Variants in RECQL5 observed in about 807,000 individuals in gnomAD.
RECQL5 encodes RecQ like helicase 5.
Under a neutral mutation model 103.4 loss-of-function variants are expected in RECQL5, and 88 were observed. The observed-to-expected ratio is 0.85, with a 90% CI of 0.72 to 1.02. RECQL5 has a LOEUF of 1.02. Ranked by LOEUF, RECQL5 falls within the 50% of genes least tolerant of loss-of-function variation. The pLI, the probability that RECQL5 is intolerant of heterozygous loss-of-function variation, is 0.00. For missense variants in RECQL5, 1,232 were observed against 1,284.3 expected (o/e 0.96, Z 0.62); for synonymous variants, 552 against 507.9 (o/e 1.09, Z -1.17).
intron 8 of RECQL5, chr17:75,649,287 C>T (rs1010417306): frequency 2.0e-5 from 3 of 152,256 alleles, no homozygotes; most frequent in African/African-American, 7.2e-5. Context: ...CTAAAAGACA[C>T]TCATTGTTAT....
At chr17:75,641,897 G>A (rs543858588) in intron 8 of RECQL5, among the ~76,000 whole-genome samples, 62 of 152,170 alleles carry the variant, frequency 4.1e-4, no homozygotes, top group Middle Eastern at 3.4e-3. Flanking sequence ...TCCCTAAGCC[G>A]AACTCCCCCT....
intron 7 of RECQL5, 144 bp from the exon 8 acceptor site, chr17:75,651,409 G>T: frequency 1.1e-6 from 1 of 918,870 alleles, no homozygotes; most frequent in African/African-American, 1.6e-5. Context: ...ATCATTTGAG[G>T]TCAGGAGTTC....
At chr17:75,637,503 G>C (rs2059347596) in intron 8 of RECQL5, 1 of 152,286 alleles carries the variant, frequency 6.6e-6, no homozygotes, top group Non-Finnish European at 1.5e-5. Flanking sequence ...GGAACCAAGA[G>C]GGGACCACTG....
Position 75,630,846 on chromosome 17 carries a change from G to GGT in RECQL5, c.1586-10_1586-9insAC. 2 of 1,453,534 alleles carry GGT rather than the reference G, an allele frequency of 1.4e-6. No homozygotes were observed. The highest frequency in any genetic ancestry group is 2.6e-5 in the South Asian group (2 of 75,588). The allele number at this position is 1,453,534 out of a possible 1,614,324, so 90.0% of individuals were successfully genotyped here. A position where few individuals can be genotyped will look rare whatever the true frequency, so the allele number is the denominator to read the frequency against. ...CAGGGGACAGTTCTCATCTGTGGGG[G>GGT]GGGGGGGTGGTCCTTGGTCCTTTCG... is the stretch of plus-strand genomic sequence containing the variant. On this transcript the variant is annotated splice_polypyrimidine_tract_variant and intron_variant, in intron 11 of 19. Coordinates refer to ENST00000317905, the MANE Select transcript of RECQL5 (RefSeq NM_004259.7).
At chr17:75,662,360 G>C in intron 4 of RECQL5, 119 bp downstream of exon 4, 1 of 1,127,420 alleles carries the variant, frequency 8.9e-7, no homozygotes, top group Middle Eastern at 3.1e-4. Context: ...TTGTGCACAA[G>C]TTTTAGGAAG....
Position 75,640,057 on chromosome 17 carries a change from T to A in RECQL5, c.1230-8389A>T. The A allele has an allele frequency of 1.6e-6, 2 of 1,224,754 alleles. No homozygotes were observed. The highest frequency in any genetic ancestry group is 3.2e-5 in the South Asian group (2 of 62,464). 75.9% of individuals were successfully genotyped at this position (1,224,754 alleles called of 1,614,324 possible). A position where few individuals can be genotyped will look rare whatever the true frequency, so the allele number is the denominator to read the frequency against. On this transcript the variant is annotated intron_variant, in intron 8 of 19. Coordinates refer to ENST00000317905, the MANE Select transcript of RECQL5 (RefSeq NM_004259.7). The surrounding 1 kb of genome is among the most constrained non-coding windows in gnomAD (Gnocchi z 4.6). The stretch of plus-strand genomic sequence containing the variant: ...CACCAGGGGTGCAATGTGTGAGACC[T>A]GACAAACTTGTTCTGCGGGCTGCGG...
intron 8 of RECQL5, chr17:75,638,332 T>C (rs898231181): frequency 6.6e-6 from 1 of 152,008 alleles, no homozygotes; most frequent in African/African-American, 2.4e-5. Context: ...AATACAAAAA[T>C]TAGCCGGGCA....
In RECQL5 at chr17:75,631,248, A is replaced by G. The variant is rs1598987097; in HGVS notation, c.1450T>C (p.Tyr484His). 1 of 1,613,604 alleles carries G rather than the reference A, an allele frequency of 6.2e-7. No individual in the cohort carries two copies. The highest frequency in any genetic ancestry group is 1.7e-5 in the Admixed American group (1 of 60,024). ...GRKGYGDFSRYDEGSGGSGDE... is the reference protein window; with the variant it reads ...GRKGYGDFSRHDEGSGGSGDE... ...CCGCTGCCTCCAGAACCTTCGTCAT[A>G]CCTAGGGACAGGCCAGGCGTGAGTG... is the stretch of plus-strand genomic sequence containing the variant. Residue 484 changes from tyrosine (Y) to histidine (H), a missense_variant and splice_region_variant, in exon 10 of 20, where the codon TAT (tyrosine) becomes CAT (histidine). Physicochemically the swap from Tyr to His is moderately conservative, Grantham distance 83. Transcript: ENST00000317905.
In RECQL5 at chr17:75,629,091, GCA is replaced by G. The variant is rs746744986; in HGVS notation, c.2330_2331del (p.Leu777ProfsTer15). On this transcript the variant is annotated frameshift_variant, in exon 16 of 20. Transcript: ENST00000317905. LOFTEE classifies it high-confidence loss of function. ...FFCRRVESPA[L>X]LASAPEAEGA... is the part of the protein sequence containing the mutation. ...CCTTCTGCCTCTGGGGCTGATGCCA[GCA>G]GAGCTGGGCTTTCCACCCTTCGGCA... The G allele has an allele frequency of 5.6e-5, 91 of 1,613,514 alleles. No individual in the cohort carries two copies. In the African/African-American group the frequency reaches 1.1e-3, roughly 19 times the overall value.
chr17:75,630,246 CCAGCTCCACGGCCTTGGCCCGGAGGT>C lies in RECQL5; in HGVS notation c.1724_1749del (p.Asp575GlyfsTer3). 2 of 1,562,116 alleles carry C rather than the reference CCAGCTCCACGGCCTTGGCCCGGAGGT, an allele frequency of 1.3e-6. No individual in the cohort carries two copies. Among genetic ancestry groups the C allele is most frequent in the Non-Finnish European group, 1.7e-6 (2 of 1,152,192 alleles). ...TTGGCGTTCCGGAATGTCTCATGTT[CCAGCTCCACGGCCTTGGCCCGGAGGT>C]CAGCTCTGTGGGTGCAAGGTAACAG... On this transcript the variant is annotated frameshift_variant, in exon 14 of 20. Transcript: ENST00000317905. LOFTEE classifies it high-confidence loss of function.
chr17:75,649,782 C>A (rs1218138058), intron 8 of RECQL5: 12 of 985,498 alleles, frequency 1.2e-5, no homozygotes, highest in African/African-American at 1.7e-5. Context: ...GCAAAGGAGA[C>A]AGGCACGAGG....
chr17:75,627,417 G>A lies in RECQL5; in HGVS notation c.*5C>T. ...GGACGCGGGCCCTGCCCAGCCAGCA[G>A]TTGGTCATCTCTGGGGGCCACACAG... is the stretch of plus-strand genomic sequence containing the variant. On this transcript the variant is annotated 3_prime_UTR_variant, in exon 20 of 20. Coordinates refer to ENST00000317905, the MANE Select transcript of RECQL5 (RefSeq NM_004259.7). 1.2e-6 allele frequency: 2 copies of A among 1,611,998 alleles called. No homozygotes were observed. The highest frequency in any genetic ancestry group is 1.7e-6 in the Non-Finnish European group (2 of 1,178,826).
At chr17:75,650,513 T>G in intron 8 of RECQL5, 19 of 1,422,324 alleles carry the variant, frequency 1.3e-5, no homozygotes, top group Non-Finnish European at 1.8e-5. Flanking sequence ...CTCAATTTAT[T>G]CACCTCTAAG....
At chr17:75,644,766 T>C (rs577061882) in intron 8 of RECQL5, among the ~76,000 whole-genome samples, 1 of 150,440 alleles carries the variant, frequency 6.6e-6, no homozygotes, top group African/African-American at 2.5e-5. Context: ...GAGACAGAGG[T>C]TGCAGTGAGC....
intron 7 of RECQL5, among the ~76,000 whole-genome samples, chr17:75,656,506 T>A (rs920656502): frequency 1.3e-5 from 2 of 150,994 alleles, no homozygotes; most frequent in East Asian, 3.9e-4. Context: ...TATGGTAATG[T>A]GGAGAAAAGC....
intron 15 of RECQL5, 66 bp downstream of exon 15, chr17:75,629,642 T>C: frequency 6.5e-7 from 1 of 1,544,466 alleles, no homozygotes; most frequent in Non-Finnish European, 8.8e-7. Flanking sequence ...GGTGCACCCC[T>C]GAGGGCAGAG....
At chr17:75,629,613 G>A (rs1395244244) in intron 15 of RECQL5, 95 bp downstream of exon 15, 3 of 1,515,558 alleles carry the variant, frequency 2.0e-6, no homozygotes, top group Non-Finnish European at 2.7e-6. Flanking sequence ...CCCTGGTGGG[G>A]AGCCAGGCCT....
chr17:75,634,960 C>T (rs2059291054), intron 8 of RECQL5, among the ~76,000 whole-genome samples: 2 of 152,162 alleles, frequency 1.3e-5, no homozygotes, highest in South Asian at 4.1e-4. Context: ...GGAAGCAGGA[C>T]CCGGCTGTTT....
rs759928618 is a variant in RECQL5, at chr17:75,627,518, T to C, written c.2880A>G (p.Lys960=). The C allele has an allele frequency of 1.2e-6, 2 of 1,613,890 alleles. No homozygotes were observed. Among genetic ancestry groups the C allele is most frequent in the Non-Finnish European group, 1.7e-6 (2 of 1,179,952 alleles). The change falls in exon 20 of 20, where the codon AAA becomes AAG. Residue 960 remains lysine, a synonymous_variant. Coordinates refer to ENST00000317905, the MANE Select transcript of RECQL5 (RefSeq NM_004259.7). ...TQKTSPGRSV[K]EEAQNLIRHF... ...GCCTGATGAGGTTCTGGGCCTCTTC[T>C]TTCACTACAGATTCAGGGTGGGGGC...
Sources: gnomAD v4.1 joint callset for allele counts (sites outside exome capture counted in the v4.1 genomes callset) on GRCh38, gnomAD v4.1.1 for gene constraint, Gnocchi (gnomAD v3.1) non-coding constraint, MANE v1.5 for transcripts, NCBI Gene and HGNC (gene_info 2026-07-23, HGNC 2026-07-21) for gene names.